Variants in LEKR1 observed in about 807,000 individuals in gnomAD.
LEKR1 encodes protein LEKR1.
Under a neutral mutation model 72.4 loss-of-function variants are expected in LEKR1, and 59 were observed. The ratio of observed to expected loss-of-function variants is 0.82; its 90% CI spans 0.66 to 1.01. The LOEUF is 1.01. Ranked by LOEUF, LEKR1 falls within the 50% of genes least tolerant of loss-of-function variation. The pLI is 0.00. For synonymous variants in LEKR1, 257 were observed against 263.2 expected, an observed-to-expected ratio of 0.98 and a Z score of 0.23; for missense variants, 728 against 759.2, an observed-to-expected ratio of 0.96 and a Z score of 0.48.
At chr3:157,019,221 G>A (rs193151752) in intron 10 of LEKR1, among the ~76,000 whole-genome samples, 15 of 151,980 alleles carry the variant, frequency 9.9e-5, no homozygotes, top group Non-Finnish European at 1.9e-4. Flanking sequence ...GTAATAAATG[G>A]TCATATTATA....
intron 10 of LEKR1, chr3:157,017,458 CCTT>C (rs1327938780): frequency 1.3e-5 from 2 of 152,208 alleles, no homozygotes; most frequent in African/African-American, 2.4e-5. Flanking sequence ...CTATATGTGA[CCTT>C]CTTGAAGCTG....
chr3:156,887,205 C>T (rs1720196233), intron 3 of LEKR1, among the ~76,000 whole-genome samples: 1 of 151,528 alleles, frequency 6.6e-6, no homozygotes, highest in South Asian at 2.1e-4. Context: ...TTTTGATTGT[C>T]CGTATTTTTA....
chr3:156,948,310 T>C (rs1726856214), intron 6 of LEKR1, among the ~76,000 whole-genome samples: 1 of 151,164 alleles, frequency 6.6e-6, no homozygotes, highest in South Asian at 2.1e-4. Flanking sequence ...TTTTTGTTGA[T>C]AGAGTAGACA....
chr3:156,875,992 CAAAAAAAAA>C (rs55816001), intron 3 of LEKR1, among the ~76,000 whole-genome samples: 1 of 70,178 alleles, frequency 1.4e-5, no homozygotes, highest in African/African-American at 5.4e-5. Flanking sequence ...GACTCCATCT[CAAAAAAAAA>C]AAAAAAAAAA....
intron 3 of LEKR1, among the ~76,000 whole-genome samples, chr3:156,910,168 G>A (rs1722968804): frequency 6.6e-6 from 1 of 152,172 alleles, no homozygotes; most frequent in East Asian, 1.9e-4. Context: ...GATTCAGGGG[G>A]TACGTGTGCA....
In LEKR1 at chr3:156,993,266, GA is replaced by G; in HGVS notation, c.1103del (p.Asn368MetfsTer5). On this transcript the variant is annotated frameshift_variant, in exon 9 of 13. Coordinates refer to ENST00000356539, the MANE Select transcript of LEKR1 (RefSeq NM_001004316.3). LOFTEE classifies it high-confidence loss of function. ...AGACAAGGGAAGAGGTTTTAACACT[GA>G]AAAATGAAAGGTGCAGTAAACAATA... ...NQTREEVLTL[K>X]NERELMLISH... The G allele has an allele frequency of 1.3e-6, 2 of 1,586,494 alleles. No individual in the cohort carries two copies. Among genetic ancestry groups the G allele is most frequent in the Non-Finnish European group, 8.5e-7 (1 of 1,170,042 alleles).
chr3:157,045,796 C>A lies in LEKR1; in HGVS notation c.*46C>A. On this transcript the variant is annotated 3_prime_UTR_variant, in exon 13 of 13. Coordinates refer to ENST00000356539, the MANE Select transcript of LEKR1 (RefSeq NM_001004316.3). Reference sequence around the variant, plus strand: ...GCTCCCTACAGCGTGCACGCTCTTTCAGAGAGTGCCAGGAATTCACTGTAA... The same window carrying A: ...GCTCCCTACAGCGTGCACGCTCTTTAAGAGAGTGCCAGGAATTCACTGTAA... The A allele has an allele frequency of 1.4e-6, 2 of 1,475,224 alleles. No homozygotes were observed. Among genetic ancestry groups the A allele is most frequent in the Non-Finnish European group, 1.9e-6 (2 of 1,078,416 alleles). 91.4% of individuals were successfully genotyped at this position (1,475,224 alleles called of 1,614,324 possible).
intron 6 of LEKR1, among the ~76,000 whole-genome samples, chr3:156,962,740 T>C (rs1728234958): frequency 1.3e-5 from 2 of 152,096 alleles, no homozygotes; most frequent in African/African-American, 4.8e-5. Context: ...AGGCATCTAC[T>C]CCTTATAATG....
intron 4 of LEKR1, chr3:156,920,929 T>C (rs1489434312): frequency 4.1e-6 from 1 of 244,852 alleles, no homozygotes; most frequent in Non-Finnish European, 7.7e-6. Context: ...TTACTGTTCT[T>C]ATTTTGTGGT....
chr3:156,895,853 A>G (rs1305466530), intron 3 of LEKR1, among the ~76,000 whole-genome samples: 1 of 152,212 alleles, frequency 6.6e-6, no homozygotes, highest in African/African-American at 2.4e-5. Flanking sequence ...CAATCCCATT[A>G]CTGAATATAT....
intron 2 of LEKR1, among the ~76,000 whole-genome samples, chr3:156,831,112 G>A (rs1163928011): frequency 1.3e-5 from 2 of 152,142 alleles, no homozygotes; most frequent in African/African-American, 4.8e-5. Flanking sequence ...GGCAGGCGGT[G>A]GGGCTAGGGT....
intron 2 of LEKR1, among the ~76,000 whole-genome samples, chr3:156,837,356 C>T (rs62273915): frequency 0.031 from 4,753 of 152,236 alleles, 109 homozygotes; most frequent in Non-Finnish European, 0.047. Context: ...CTCAGACACC[C>T]GGTCCTCTCA....
intron 3 of LEKR1, among the ~76,000 whole-genome samples, chr3:156,877,227 A>G (rs1230186193): frequency 4.0e-5 from 6 of 151,702 alleles, no homozygotes; most frequent in African/African-American, 1.5e-4. Flanking sequence ...ATTAAATAGT[A>G]TTTTTATTGA....
intron 3 of LEKR1, among the ~76,000 whole-genome samples, chr3:156,907,561 G>A (rs551697628): frequency 4.0e-5 from 6 of 151,798 alleles, no homozygotes; most frequent in Middle Eastern, 3.4e-3. Context: ...AATTTAAAAC[G>A]TACCCATTCT....
At chr3:156,966,212 G>T (rs1210894776) in intron 6 of LEKR1, among the ~76,000 whole-genome samples, 1 of 152,160 alleles carries the variant, frequency 6.6e-6, no homozygotes, top group Admixed American at 6.5e-5. Context: ...TGACGCAGAA[G>T]ACGGGTGATT....
chr3:156,934,872 G>A lies in LEKR1; in HGVS notation c.559+7268G>A, dbSNP rs548782705. 1.1e-3 allele frequency among the ~76,000 whole-genome samples: 164 copies of A among 152,046 alleles called. No homozygotes were observed. In the Middle Eastern group the frequency reaches 0.017, roughly 16 times the overall value. ...AAATATAGTCATGCCAATTAACTAT[G>A]TTGACAGTATTTTATTATAGGTATG... is the stretch of plus-strand genomic sequence containing the variant. On this transcript the variant is annotated intron_variant, in intron 5 of 12. Coordinates refer to ENST00000356539, the MANE Select transcript of LEKR1 (RefSeq NM_001004316.3).
intron 3 of LEKR1, among the ~76,000 whole-genome samples, chr3:156,869,989 G>T (rs1413030302): frequency 2.0e-5 from 3 of 151,904 alleles, no homozygotes; most frequent in African/African-American, 4.8e-5. Flanking sequence ...TGTTCTTGGT[G>T]CCTTTGTTGA....
chr3:157,007,697 A>G (rs945566991), intron 9 of LEKR1, among the ~76,000 whole-genome samples: 2 of 152,240 alleles, frequency 1.3e-5, no homozygotes, highest in East Asian at 1.9e-4. Context: ...GTTTCTTGCC[A>G]CAATAACAGC....
Position 156,991,142 on chromosome 3 carries a change from C to T in LEKR1, c.828-1511C>T, listed in dbSNP as rs928068324. Among the ~76,000 whole-genome samples, 3 of 151,988 alleles carry T rather than the reference C, an allele frequency of 2.0e-5. No individual in the cohort carries two copies. The South Asian group carries it at 6.2e-4, about 32-fold the overall frequency. ...GAGATAAAACTTAGGTAATAAAGCC[C>T]TAAGGAAAATCAGTGATTACAATAT... On this transcript the variant is annotated intron_variant, in intron 7 of 12. Transcript: ENST00000356539.
Sources: gnomAD v4.1 joint callset for allele counts (sites outside exome capture counted in the v4.1 genomes callset) on GRCh38, gnomAD v4.1.1 for gene constraint, MANE v1.5 for transcripts, NCBI Gene and HGNC (gene_info 2026-07-23, HGNC 2026-07-21) for gene names.